Variants in FBXL7 observed in about 807,000 individuals in gnomAD.
The protein encoded by FBXL7 is F-box/LRR-repeat protein 7.
FBXL7 carries 12 observed loss-of-function variants against 38.3 expected under a neutral mutation model. The observed-to-expected ratio is 0.31, with a 90% CI of 0.20 to 0.51. FBXL7 has a LOEUF of 0.51. Among genes scored for constraint, FBXL7 ranks in the 20% least tolerant of loss-of-function variants. FBXL7 has a pLI of 0.98. For synonymous variants in FBXL7, 297 were observed against 300.9 expected, an observed-to-expected ratio of 0.99 and a Z score of 0.13; for missense variants, 567 against 676.4, an observed-to-expected ratio of 0.84 and a Z score of 1.79.
intron 2 of FBXL7, among the ~76,000 whole-genome samples, chr5:15,720,068 C>T (rs1744152144): frequency 6.7e-6 from 1 of 149,088 alleles, no homozygotes; most frequent in Non-Finnish European, 1.5e-5. Flanking sequence ...GGAATGGCCA[C>T]AATTGCCTGC....
At chr5:15,791,938 A>G (rs909244499) in intron 2 of FBXL7, among the ~76,000 whole-genome samples, 2 of 152,160 alleles carry the variant, frequency 1.3e-5, no homozygotes, top group Non-Finnish European at 2.9e-5. Flanking sequence ...TGGTGGAACA[A>G]TCGCAGAAGC....
chr5:15,572,002 A>T (rs189831559), intron 1 of FBXL7, among the ~76,000 whole-genome samples: 1 of 152,288 alleles, frequency 6.6e-6, no homozygotes, highest in East Asian at 1.9e-4. Context: ...AAGCAGGTCT[A>T]TTAATCTGTA....
chr5:15,805,724 T>C (rs915664114), intron 2 of FBXL7, among the ~76,000 whole-genome samples: 7 of 152,184 alleles, frequency 4.6e-5, no homozygotes, highest in African/African-American at 1.7e-4. Context: ...AAAAAGGGTA[T>C]ATTTAATCAC....
At chr5:15,714,313 A>G (rs1743969683) in intron 2 of FBXL7, among the ~76,000 whole-genome samples, 1 of 152,120 alleles carries the variant, frequency 6.6e-6, no homozygotes, top group South Asian at 2.1e-4. Context: ...CTGGCCATGT[A>G]AGATGTGCCT....
intron 2 of FBXL7, among the ~76,000 whole-genome samples, chr5:15,649,198 C>T (rs4413532): frequency 0.025 from 3,847 of 152,068 alleles, 77 homozygotes; most frequent in East Asian, 0.052. Flanking sequence ...GGTTTCACCA[C>T]GTTGGCCAGG....
chr5:15,577,594 T>TTGTGTGTGTGTG (rs34405217), intron 1 of FBXL7, among the ~76,000 whole-genome samples: 2 of 147,568 alleles, frequency 1.4e-5, no homozygotes, highest in African/African-American at 5.0e-5. Context: ...GTAATGCATT[T>TTGTGTGTGTGTG]TGTGTGTGTG....
intron 2 of FBXL7, among the ~76,000 whole-genome samples, chr5:15,814,266 T>G (rs1362627090): frequency 2.0e-5 from 3 of 152,168 alleles, no homozygotes; most frequent in African/African-American, 7.2e-5. Flanking sequence ...GATGAGTTCG[T>G]GTCCTTCGCA....
intron 1 of FBXL7, among the ~76,000 whole-genome samples, chr5:15,526,483 C>T (rs1182649017): frequency 6.6e-6 from 1 of 152,104 alleles, no homozygotes; most frequent in African/African-American, 2.4e-5. Flanking sequence ...TGGTTAGCAT[C>T]CAGTCCTGGG....
At chr5:15,535,632 AAGC>A in intron 1 of FBXL7, among the ~76,000 whole-genome samples, 1 of 152,348 alleles carries the variant, frequency 6.6e-6, no homozygotes, top group Admixed American at 6.5e-5. Flanking sequence ...AGAAATTTCT[AAGC>A]AGCAAAGCCT....
chr5:15,645,336 A>T (rs909387076), intron 2 of FBXL7, among the ~76,000 whole-genome samples: 8 of 152,086 alleles, frequency 5.3e-5, no homozygotes, highest in Non-Finnish European at 1.0e-4. Context: ...ACTGAGATAG[A>T]TGCATATCTG....
chr5:15,611,311 C>CTTTT (rs61608325), intron 1 of FBXL7, among the ~76,000 whole-genome samples: 16 of 128,194 alleles, frequency 1.2e-4, no homozygotes, highest in Non-Finnish European at 2.5e-4. Flanking sequence ...TGTTTTGCCA[C>CTTTT]TTTTTTTTTT....
In FBXL7 at chr5:15,521,794, G is replaced by A. The variant is rs1391234602; in HGVS notation, c.37+21081G>A. Among the ~76,000 whole-genome samples the A allele has an allele frequency of 2.0e-5, 3 of 152,324 alleles. No homozygotes were observed. In the East Asian group the frequency reaches 5.8e-4, roughly 29 times the overall value. ...AAAGAATGTGCCTCTTCTCCTGCGT[G>A]TACTTAACAGCCTAAGGGGGATGAT... On this transcript the variant is annotated intron_variant, in intron 1 of 3. Coordinates refer to ENST00000504595, the MANE Select transcript of FBXL7 (RefSeq NM_012304.5).
At chr5:15,765,401 C>G (rs1034151781) in intron 2 of FBXL7, among the ~76,000 whole-genome samples, 1 of 152,088 alleles carries the variant, frequency 6.6e-6, no homozygotes, top group Non-Finnish European at 1.5e-5. Flanking sequence ...GCACATCAAG[C>G]AGAGACTTTA....
At chr5:15,610,040 A>G (rs1182131152) in intron 1 of FBXL7, among the ~76,000 whole-genome samples, 1 of 152,244 alleles carries the variant, frequency 6.6e-6, no homozygotes, top group Non-Finnish European at 1.5e-5. Context: ...ATAAAAGCCA[A>G]GTGAAAGGGG....
At chr5:15,913,269 A>AT (rs33993419) in intron 2 of FBXL7, among the ~76,000 whole-genome samples, 7 of 136,552 alleles carry the variant, frequency 5.1e-5, no homozygotes, top group African/African-American at 1.1e-4. Context: ...TTTTTTATTA[A>AT]TTTTTTTTTT....
chr5:15,935,290 C>T (rs761417763), intron 3 of FBXL7: 1 of 525,540 alleles, frequency 1.9e-6, no homozygotes, highest in Non-Finnish European at 3.9e-6. Context: ...TTTTCCAAGA[C>T]ACCTCGGGCA....
rs1034460131 is a variant in FBXL7, at chr5:15,539,218, C to T, written c.37+38505C>T. ...TATGCCCAACAGCAAATGACTTAGA[C>T]GGATCTTAGCTTGGTTTGTAGGGTT... On this transcript the variant is annotated intron_variant, in intron 1 of 3. Coordinates refer to ENST00000504595, the MANE Select transcript of FBXL7 (RefSeq NM_012304.5). Among the ~76,000 whole-genome samples the T allele has an allele frequency of 1.4e-4, 22 of 152,284 alleles. No individual in the cohort carries two copies. In the South Asian group the frequency reaches 2.9e-3, roughly 20 times the overall value.
At chr5:15,517,456 A>C (rs983582738) in intron 1 of FBXL7, among the ~76,000 whole-genome samples, 2 of 152,278 alleles carry the variant, frequency 1.3e-5, no homozygotes, top group Non-Finnish European at 2.9e-5. Context: ...GAATCTGGGA[A>C]GAATAAGAGC....
chr5:15,790,923 A>T (rs1288752060), intron 2 of FBXL7, among the ~76,000 whole-genome samples: 1 of 152,154 alleles, frequency 6.6e-6, no homozygotes, highest in East Asian at 1.9e-4. Flanking sequence ...GCTTGTAGTC[A>T]AGCTTCTTAA....
Sources: gnomAD v4.1 joint callset for allele counts (sites outside exome capture counted in the v4.1 genomes callset) on GRCh38, gnomAD v4.1.1 for gene constraint, MANE v1.5 for transcripts, NCBI Gene and HGNC (gene_info 2026-07-23, HGNC 2026-07-21) for gene names.